VAV2: variants seen among roughly 807,000 people sequenced by gnomAD.
VAV2 encodes vav guanine nucleotide exchange factor 2.
Under a neutral mutation model 132.5 loss-of-function variants are expected in VAV2, and 67 were observed. The ratio of observed to expected loss-of-function variants is 0.51; its 90% CI spans 0.42 to 0.62. The LOEUF (loss-of-function observed/expected upper bound fraction) is 0.62, where lower values mean the gene tolerates loss of function less well. VAV2 is among the 20% of genes least tolerant of loss of function. The pLI, the probability that VAV2 is intolerant of heterozygous loss-of-function variation, is 0.00. For synonymous variants in VAV2, 492 were observed against 443.5 expected (o/e 1.11, Z -1.37); for missense variants, 938 against 1,153.6 (o/e 0.81, Z 2.71).
chr9:133,820,363 G>A (rs887239342), intron 4 of VAV2, among the ~76,000 whole-genome samples: 10 of 146,706 alleles, frequency 6.8e-5, no homozygotes, highest in East Asian at 2.0e-4. Context: ...TCTCGCTGTC[G>A]CCCAGGCTGA....
chr9:133,829,581 ACTGATCACAAGGTGACC>A (rs1447556577), intron 4 of VAV2, among the ~76,000 whole-genome samples: 3 of 152,238 alleles, frequency 2.0e-5, no homozygotes, highest in African/African-American at 7.2e-5. Flanking sequence ...GATCTGTGAC[ACTGATCACAAGGTGACC>A]CAGATAATAT....
At chr9:133,781,791 G>A (rs1259705077) in intron 19 of VAV2, among the ~76,000 whole-genome samples, 2 of 152,322 alleles carry the variant, frequency 1.3e-5, no homozygotes, top group East Asian at 3.9e-4. Context: ...TGAGGAGGGG[G>A]GCAAGGACAC....
chr9:133,910,619 GCTAACA>G, intron 2 of VAV2, among the ~76,000 whole-genome samples: 1 of 149,410 alleles, frequency 6.7e-6, no homozygotes, highest in African/African-American at 2.5e-5. Context: ...GACCATCCTG[GCTAACA>G]CGGTGAAACC....
At chr9:133,845,650 G>A (rs900588606) in intron 3 of VAV2, among the ~76,000 whole-genome samples, 2 of 152,186 alleles carry the variant, frequency 1.3e-5, no homozygotes, top group African/African-American at 4.8e-5. Flanking sequence ...TGGAGGATCG[G>A]CTGTGACAGG....
intron 4 of VAV2, among the ~76,000 whole-genome samples, chr9:133,832,306 T>C (rs1367043524): frequency 1.3e-5 from 2 of 152,156 alleles, no homozygotes; most frequent in East Asian, 3.9e-4. Context: ...CAGAGAAGGA[T>C]TTCCAAGGCA....
At chr9:133,878,294 G>A (rs893649396) in intron 2 of VAV2, among the ~76,000 whole-genome samples, 9 of 152,164 alleles carry the variant, frequency 5.9e-5, no homozygotes, top group South Asian at 2.1e-4. Flanking sequence ...GGCCTCACAC[G>A]AACCACACGC....
intron 29 of VAV2, among the ~76,000 whole-genome samples, chr9:133,765,218 A>G (rs1833393207): frequency 1.3e-5 from 2 of 152,262 alleles, no homozygotes; most frequent in Admixed American, 1.3e-4. Context: ...CTAGTACATG[A>G]AAGTTTGAAG....
Position 133,833,295 on chromosome 9 carries a change from C to T in VAV2, c.449+977G>A, listed in dbSNP as rs116769379. On this transcript the variant is annotated intron_variant, in intron 4 of 29. Transcript: ENST00000371850. This position sits in a 1 kb window ranked among gnomAD's most constrained non-coding sequence, Gnocchi z 5.6. ...TGTGGGCTGAGCAGTAAGACAGGGA[C>T]AGCCCCAGCATACACAGCAGGCACT... 6.1e-3 allele frequency among the ~76,000 whole-genome samples: 925 copies of T among 152,324 alleles called. 9 individuals carry two copies. Among genetic ancestry groups the T allele is most frequent in the African/African-American group, 0.021 (858 of 41,570 alleles).
chr9:133,977,495 T>C (rs1842552244), intron 1 of VAV2, among the ~76,000 whole-genome samples: 1 of 152,182 alleles, frequency 6.6e-6, no homozygotes, highest in East Asian at 1.9e-4. Flanking sequence ...AGACAAGGAT[T>C]GTCTAGGCAC....
intron 3 of VAV2, among the ~76,000 whole-genome samples, chr9:133,841,762 T>A (rs937356500): frequency 5.9e-5 from 9 of 152,146 alleles, no homozygotes; most frequent in African/African-American, 1.9e-4. Context: ...GAGCCTCAGT[T>A]TCCCCAACTG....
intron 14 of VAV2, 51 bp downstream of exon 14, chr9:133,789,207 A>G (rs1834353118): frequency 1.9e-6 from 3 of 1,601,972 alleles, no homozygotes; most frequent in African/African-American, 2.7e-5. Context: ...TGGGAGGGAG[A>G]GCCAGACCCT....
Position 133,788,375 on chromosome 9 carries a change from C to T in VAV2, c.1386G>A (p.Met462Ile). ...CCACCTTCTTGACGTCCTTGTTGTTCATGGGGTCGTCGGTCATCTTGTGGA... is the reference window on the plus strand; with the variant it reads ...CCACCTTCTTGACGTCCTTGTTGTTTATGGGGTCGTCGGTCATCTTGTGGA... Reference protein sequence around the residue: ...LLFHKMTDDPMNNKDVKKSHG... With the variant: ...LLFHKMTDDPINNKDVKKSHG... Residue 462 changes from methionine to isoleucine, a missense_variant, in exon 15 of 30, where the codon ATG becomes ATA. Met to Ile is a conservative substitution (Grantham distance 10). Coordinates refer to ENST00000371850, the MANE Select transcript of VAV2 (RefSeq NM_001134398.2). The surrounding 1 kb of genome is among the most constrained non-coding windows in gnomAD (Gnocchi z 5.3). 6.2e-7 allele frequency: 1 copy of T among 1,610,268 alleles called. No individual in the cohort carries two copies. Among genetic ancestry groups the T allele is most frequent in the Non-Finnish European group, 8.5e-7 (1 of 1,176,790 alleles).
At position 133,915,211 on chromosome 9, in the gene VAV2, T is replaced by C. The variant is rs575327614; in HGVS notation, c.321+23892A>G. 3.7e-3 allele frequency among the ~76,000 whole-genome samples: 557 copies of C among 152,270 alleles called. 7 individuals carry two copies. The highest frequency in any genetic ancestry group is 0.024 in the Middle Eastern group (7 of 294). On this transcript the variant is annotated intron_variant, in intron 2 of 29. Coordinates refer to ENST00000371850, the MANE Select transcript of VAV2 (RefSeq NM_001134398.2). ...GGGGACATCAGGGAATTCTCCATGG[T>C]GGGGCAGAGTGGGGACATCCACAGC...
At chr9:133,771,616 G>T (rs1157847665) in intron 26 of VAV2, among the ~76,000 whole-genome samples, 1 of 152,190 alleles carries the variant, frequency 6.6e-6, no homozygotes, top group Non-Finnish European at 1.5e-5. Context: ...ACCCGGCCAG[G>T]CCCCAGCTGG....
intron 27 of VAV2, 134 bp downstream of exon 27, chr9:133,770,244 G>T: frequency 7.2e-7 from 1 of 1,388,650 alleles, no homozygotes; most frequent in Non-Finnish European, 9.7e-7. Context: ...ATGGCTGGGG[G>T]AGGGGCGGGG....
intron 2 of VAV2, among the ~76,000 whole-genome samples, chr9:133,901,610 C>A (rs1839445646): frequency 6.6e-6 from 1 of 152,252 alleles, no homozygotes. Flanking sequence ...CCGCAGGGGC[C>A]TCTCCTGCCC....
intron 2 of VAV2, among the ~76,000 whole-genome samples, chr9:133,878,740 C>T (rs550661576): frequency 5.3e-5 from 8 of 152,328 alleles, no homozygotes; most frequent in African/African-American, 1.2e-4. Flanking sequence ...TGGCCACGTC[C>T]CCGCCACCCA....
Position 133,935,880 on chromosome 9 carries a change from G to A in VAV2, c.321+3223C>T, listed in dbSNP as rs368389157. Among the ~76,000 whole-genome samples the A allele has an allele frequency of 9.2e-5, 14 of 152,284 alleles. No homozygotes were observed. The highest frequency in any genetic ancestry group is 3.3e-4 in the Admixed American group (5 of 15,300). On this transcript the variant is annotated intron_variant, in intron 2 of 29. Transcript: ENST00000371850. The surrounding 1 kb of genome is among the most constrained non-coding windows in gnomAD (Gnocchi z 5.2). ...CCAAGTGTGCCAGCACCCAGCACACGGTCCCAGGGGGCCCGGTCCCCAGCC... is the reference window on the plus strand; with the variant it reads ...CCAAGTGTGCCAGCACCCAGCACACAGTCCCAGGGGGCCCGGTCCCCAGCC...
At chr9:133,800,418 C>T (rs1208609874) in intron 9 of VAV2, among the ~76,000 whole-genome samples, 1 of 152,194 alleles carries the variant, frequency 6.6e-6, no homozygotes, top group African/African-American at 2.4e-5. Context: ...GACAGAGTCC[C>T]CAGCGAGGGG....
Sources: gnomAD v4.1 joint callset for allele counts (sites outside exome capture counted in the v4.1 genomes callset) on GRCh38, gnomAD v4.1.1 for gene constraint, Gnocchi (gnomAD v3.1) non-coding constraint, MANE v1.5 for transcripts, NCBI Gene and HGNC (gene_info 2026-07-23, HGNC 2026-07-21) for gene names.